ITPA: variants seen among roughly 807,000 people sequenced by gnomAD.
ITPA encodes the protein inosine triphosphate pyrophosphatase.
In ITPA, 29 loss-of-function variants were observed where a neutral mutation model predicts 29.6. That is an observed-to-expected ratio of 0.98 (90% CI 0.73 to 1.34). The LOEUF is 1.34. Among genes scored for constraint, ITPA ranks in the 40% most tolerant of loss-of-function variants. The pLI, the probability that ITPA is intolerant of heterozygous loss-of-function variation, is 0.00. For missense variants in ITPA, 241 were observed against 251.5 expected (o/e 0.96, Z 0.28); for synonymous variants, 103 against 99.3 (o/e 1.04, Z -0.22).
chr20:3,227,048 G>A (rs541514230), downstream of ITPA, among the ~76,000 whole-genome samples: 4 of 152,208 alleles, frequency 2.6e-5, no homozygotes, highest in East Asian at 1.9e-4. Context: ...ACGAAGCCTC[G>A]GCCTCCCGGC....
chr20:3,215,121 C>T (rs2067263776), intron 4 of ITPA, 160 bp from the exon 5 acceptor site: 3 of 704,202 alleles, frequency 4.3e-6, no homozygotes, highest in Non-Finnish European at 7.7e-6. Context: ...CCTGCCTTAG[C>T]CTCCCAAAGT....
downstream of ITPA, among the ~76,000 whole-genome samples, chr20:3,224,710 G>GC (rs1287077040): frequency 1.3e-5 from 2 of 152,184 alleles, no homozygotes; most frequent in African/African-American, 2.4e-5. Context: ...CATGGATGTA[G>GC]CCCCCCTGTG....
intron 6 of ITPA, among the ~76,000 whole-genome samples, chr20:3,221,271 G>A (rs1050549608): frequency 4.3e-5 from 6 of 140,248 alleles, no homozygotes; most frequent in Non-Finnish European, 9.3e-5. Context: ...ATTACAATTT[G>A]TTCTTTTTCT....
upstream of ITPA, among the ~76,000 whole-genome samples, chr20:3,206,885 A>G (rs1031876199): frequency 3.3e-5 from 5 of 151,444 alleles, no homozygotes; most frequent in Admixed American, 6.6e-5. Context: ...ATGGTGGTGC[A>G]TGCCTGGAGT....
At chr20:3,213,591 A>G (rs35991941) in intron 3 of ITPA, among the ~76,000 whole-genome samples, 39,591 of 151,874 alleles carry the variant, frequency 0.26, 5,888 homozygotes, top group East Asian at 0.46. Context: ...GACCACCACC[A>G]TACACTCCCA....
Position 3,209,981 on chromosome 20 carries a change from C to T in ITPA, c.66+364C>T, listed in dbSNP as rs146036100. Among the ~76,000 whole-genome samples the T allele has an allele frequency of 3.9e-5, 6 of 152,294 alleles. No individual in the cohort carries two copies. In the East Asian group the frequency reaches 9.7e-4, roughly 25 times the overall value. ...ACACTCTTCTGGGACTTATCCACAT[C>T]CCGCTGCTGGGCCAGGGCTAGCAGG... On this transcript the variant is annotated intron_variant, in intron 1 of 7. Transcript: ENST00000380113. The surrounding 1 kb of genome is among the most constrained non-coding windows in gnomAD (Gnocchi z 4.6).
chr20:3,218,851 A>T, intron 6 of ITPA: 1 of 608,784 alleles, frequency 1.6e-6, no homozygotes, highest in Non-Finnish European at 3.0e-6. Flanking sequence ...GTAGTTGCCT[A>T]CGCCTTGCTG....
chr20:3,212,079 G>T (rs140239002), intron 1 of ITPA, among the ~76,000 whole-genome samples: 1 of 151,990 alleles, frequency 6.6e-6, no homozygotes. Flanking sequence ...TACATGGGAG[G>T]AGGATCTCTT....
At chr20:3,218,419 TA>T (rs1410949474) in intron 5 of ITPA, 97 bp from the exon 6 acceptor site, 2 of 858,456 alleles carry the variant, frequency 2.3e-6, no homozygotes, top group Non-Finnish European at 3.9e-6. Flanking sequence ...TTTCCCCTTT[TA>T]GGGAATTCCT....
upstream of ITPA, among the ~76,000 whole-genome samples, chr20:3,206,142 A>G (rs2067068967): frequency 6.6e-6 from 1 of 151,808 alleles, no homozygotes; most frequent in South Asian, 2.1e-4. Flanking sequence ...TAATCCCAGC[A>G]CTTTGGGAGG....
At chr20:3,223,056 C>G (rs2067506751) in intron 7 of ITPA, among the ~76,000 whole-genome samples, 1 of 152,202 alleles carries the variant, frequency 6.6e-6, no homozygotes, top group African/African-American at 2.4e-5. Flanking sequence ...TTCCTGTCAA[C>G]AGATGACAAA....
intron 6 of ITPA, 22 bp downstream of exon 6, chr20:3,218,654 G>A: frequency 6.3e-7 from 1 of 1,578,932 alleles, no homozygotes; most frequent in Non-Finnish European, 8.7e-7. Context: ...CCTTGATGCA[G>A]TTCCCGCCGC....
At chr20:3,220,613 A>G (rs1262731954) in intron 6 of ITPA, among the ~76,000 whole-genome samples, 1 of 151,732 alleles carries the variant, frequency 6.6e-6, no homozygotes, top group Non-Finnish European at 1.5e-5. Context: ...TAGTGGCATG[A>G]CTACCGTTCA....
At chr20:3,226,000 AGAGT>A (rs2067550512), downstream of ITPA, among the ~76,000 whole-genome samples, 1 of 152,228 alleles carries the variant, frequency 6.6e-6, no homozygotes, top group Non-Finnish European at 1.5e-5. Context: ...TTGCACACTG[AGAGT>A]GAGACGCTGT....
At chr20:3,209,352 G>C (rs2067117489), upstream of ITPA, 2 of 661,496 alleles carry the variant, frequency 3.0e-6, no homozygotes, top group Admixed American at 4.4e-5. This position sits in a 1 kb window ranked among gnomAD's most constrained non-coding sequence, Gnocchi z 4.6. Context: ...AGGCTCGGGA[G>C]GCCCCCAGCA....
intron 4 of ITPA, 75 bp downstream of exon 4, chr20:3,214,133 G>C: frequency 8.2e-7 from 1 of 1,223,194 alleles, no homozygotes; most frequent in Middle Eastern, 1.9e-4. Flanking sequence ...TGAGGTACCT[G>C]ATACTGCAGG....
chr20:3,224,422 G>A (rs1214962603), downstream of ITPA, among the ~76,000 whole-genome samples: 2 of 152,166 alleles, frequency 1.3e-5, no homozygotes, highest in African/African-American at 4.8e-5. Context: ...GGCGTGATGG[G>A]CTCAGGCTGG....
intron 6 of ITPA, among the ~76,000 whole-genome samples, chr20:3,220,576 T>C (rs1361947401): frequency 1.3e-5 from 2 of 151,972 alleles, no homozygotes; most frequent in Non-Finnish European, 2.9e-5. Context: ...TGAGACAGGG[T>C]CTTGCTTTGT....
In ITPA at chr20:3,223,354, G is replaced by T; in HGVS notation, c.489-12G>T. The T allele has an allele frequency of 1.2e-6, 2 of 1,608,656 alleles. No homozygotes were observed. Among genetic ancestry groups the T allele is most frequent in the Non-Finnish European group, 1.7e-6 (2 of 1,175,890 alleles). ...AATCTGGGCTCCCTGAGCTGCTACT[G>T]TCACCCCTCAGGTACGCAGAGATGC... On this transcript the variant is annotated splice_polypyrimidine_tract_variant and intron_variant, in intron 7 of 7. Coordinates refer to ENST00000380113, the MANE Select transcript of ITPA (RefSeq NM_033453.4).
Sources: allele counts gnomAD v4.1 joint callset (sites outside exome capture counted in the v4.1 genomes callset), GRCh38; gene constraint gnomAD v4.1.1; non-coding constraint Gnocchi (gnomAD v3.1); transcripts MANE v1.5; gene names NCBI Gene and HGNC (gene_info 2026-07-23, HGNC 2026-07-21).